Variants in VRK3 observed in about 807,000 individuals in gnomAD.
The protein encoded by VRK3 is VRK serine/threonine kinase 3.
A neutral mutation model predicts 60.4 loss-of-function variants in VRK3; 50 were observed. That is an observed-to-expected ratio of 0.83 (90% CI 0.66 to 1.05). The LOEUF (loss-of-function observed/expected upper bound fraction) is 1.05, where lower values mean the gene tolerates loss of function less well. Among genes scored for constraint, VRK3 ranks in the 50% least tolerant of loss-of-function variants. The pLI, the probability that VRK3 is intolerant of heterozygous loss-of-function variation, is 0.00. For synonymous variants in VRK3, 246 were observed against 227.8 expected (o/e 1.08, Z -0.72); for missense variants, 549 against 585.3 (o/e 0.94, Z 0.64).
At chr19:49,992,801 G>C in intron 10 of VRK3, 59 bp downstream of exon 10, 1 of 1,503,956 alleles carries the variant, frequency 6.6e-7, no homozygotes, top group South Asian at 1.1e-5. Context: ...TAGAGATTTG[G>C]AGACAGATGG....
intron 12 of VRK3, chr19:49,981,676 T>C (rs529165304): frequency 3.0e-6 from 3 of 991,576 alleles, no homozygotes; most frequent in African/African-American, 3.5e-5. Flanking sequence ...ACGGAGAGGA[T>C]CCCTTTGATG....
chr19:50,001,909 C>T (rs534286028), intron 5 of VRK3, among the ~76,000 whole-genome samples: 2 of 152,174 alleles, frequency 1.3e-5, no homozygotes, highest in Non-Finnish European at 2.9e-5. Flanking sequence ...GCAGCACCAG[C>T]GATGTGTGCA....
At chr19:49,978,677 G>A (rs1037653121) in intron 14 of VRK3, 2 of 163,384 alleles carry the variant, frequency 1.2e-5, no homozygotes, top group African/African-American at 4.8e-5. Context: ...GGGCGCCAAG[G>A]GGGCCAGGCC....
chr19:49,991,225 C>A (rs1286901246), intron 10 of VRK3, among the ~76,000 whole-genome samples: 1 of 152,156 alleles, frequency 6.6e-6, no homozygotes, highest in African/African-American at 2.4e-5. Flanking sequence ...CTGAGCAAGG[C>A]AGATTATTCT....
In VRK3 at chr19:50,021,018, C is replaced by A. The variant is rs1413605901; in HGVS notation, c.-64-371G>T. Among the ~76,000 whole-genome samples the A allele has an allele frequency of 2.6e-5, 4 of 152,278 alleles. No individual in the cohort carries two copies. The East Asian group carries it at 7.7e-4, about 29-fold the overall frequency. On this transcript the variant is annotated intron_variant, in intron 1 of 14. Coordinates refer to ENST00000316763, the MANE Select transcript of VRK3 (RefSeq NM_016440.4). Reference sequence around the variant, plus strand: ...TGGGTCACTATTCACACAGGGTGGCCAAGGAGGGCCTCGCCCAGAGGGAGG... The same window carrying A: ...TGGGTCACTATTCACACAGGGTGGCAAAGGAGGGCCTCGCCCAGAGGGAGG...
chr19:50,011,708 C>CGGAAATGTTCCTCACTCCTCCAGTG, intron 3 of VRK3, among the ~76,000 whole-genome samples: 1 of 150,456 alleles, frequency 6.6e-6, no homozygotes, highest in African/African-American at 2.4e-5. Context: ...TTCCCCCAGG[C>CGGAAATGTTCCTCACTCCTCCAGTG]GGAAATGTTC....
intron 11 of VRK3, among the ~76,000 whole-genome samples, chr19:49,988,874 C>T (rs57097951): frequency 0.012 from 1,822 of 152,290 alleles, 26 homozygotes; most frequent in African/African-American, 0.04. Flanking sequence ...GTGCGACTAC[C>T]TGAGTGACAA....
At chr19:49,977,550 C>T (rs2076351308) in intron 14 of VRK3, among the ~76,000 whole-genome samples, 1 of 152,124 alleles carries the variant, frequency 6.6e-6, no homozygotes, top group Non-Finnish European at 1.5e-5. Flanking sequence ...GAAGCCTCTG[C>T]CCTGTGCCAT....
At chr19:49,977,647 T>C (rs528549002) in intron 14 of VRK3, among the ~76,000 whole-genome samples, 1 of 152,204 alleles carries the variant, frequency 6.6e-6, no homozygotes, top group East Asian at 1.9e-4. Context: ...AGTGACCCCG[T>C]GGTCAGTCTC....
chr19:49,986,637 A>G (rs2076521175), intron 12 of VRK3: 1 of 152,348 alleles, frequency 6.6e-6, no homozygotes, highest in African/African-American at 2.4e-5. Flanking sequence ...GGAGTAAAAT[A>G]AAACGAGAAA....
Position 50,023,677 on chromosome 19 carries a change from A to G in VRK3, c.-65+1590T>C, listed in dbSNP as rs75283291. 3.6e-3 allele frequency among the ~76,000 whole-genome samples: 554 copies of G among 152,050 alleles called. 6 individuals are homozygous for G. The highest frequency in any genetic ancestry group is 0.013 in the African/African-American group (523 of 41,474). Reference sequence around the variant, plus strand: ...CTGGCACAGAGCAAATGCTGGGTCTACGTCTGCTGAGTGAATAAATCATTG... The same window carrying G: ...CTGGCACAGAGCAAATGCTGGGTCTGCGTCTGCTGAGTGAATAAATCATTG... On this transcript the variant is annotated intron_variant, in intron 1 of 14. Transcript: ENST00000316763.
chr19:49,980,762 T>C (rs1568769305), intron 13 of VRK3, among the ~76,000 whole-genome samples, 193 bp downstream of exon 13: 1 of 150,302 alleles, frequency 6.7e-6, no homozygotes, highest in African/African-American at 2.5e-5. Flanking sequence ...AAAAGTTGTG[T>C]TTTTGTTTTG....
chr19:50,023,460 C>T (rs1269771362), intron 1 of VRK3, among the ~76,000 whole-genome samples: 1 of 152,230 alleles, frequency 6.6e-6, no homozygotes, highest in African/African-American at 2.4e-5. Context: ...GGATTACAGG[C>T]TCGAGCCACC....
At chr19:49,979,800 T>C (rs1233929106) in intron 13 of VRK3, among the ~76,000 whole-genome samples, 3 of 151,764 alleles carry the variant, frequency 2.0e-5, no homozygotes, top group Non-Finnish European at 4.4e-5. Flanking sequence ...TCCCAGCACT[T>C]TGGGAGGCAG....
chr19:50,014,651 C>T (rs1482489887), intron 3 of VRK3, among the ~76,000 whole-genome samples: 1 of 152,098 alleles, frequency 6.6e-6, no homozygotes, highest in South Asian at 2.1e-4. Context: ...AGGGAAGAGG[C>T]GTCCAGGAGG....
intron 3 of VRK3, 59 bp downstream of exon 3, chr19:50,015,965 A>G: frequency 1.9e-6 from 3 of 1,606,928 alleles, no homozygotes; most frequent in Non-Finnish European, 2.6e-6. Flanking sequence ...CTCCGCAGAC[A>G]CACACGTGTA....
In VRK3 at chr19:49,994,998, C is replaced by T. The variant is rs541628121; in HGVS notation, c.765-79G>A. On this transcript the variant is annotated intron_variant, in intron 8 of 14. Coordinates refer to ENST00000316763, the MANE Select transcript of VRK3 (RefSeq NM_016440.4). ...ACCGGCCGCCAAGGATGGACTGTTG[C>T]GTGGGCTGCAAGGTCCTGGTCCCAG... 16 of 1,407,818 alleles carry T rather than the reference C, an allele frequency of 1.1e-5. No homozygotes were observed. In the East Asian group the frequency reaches 2.4e-4, roughly 21 times the overall value. 87.2% of individuals were successfully genotyped at this position (1,407,818 alleles called of 1,614,324 possible). A position where few individuals can be genotyped will look rare whatever the true frequency, so the allele number is the denominator to read the frequency against.
In VRK3 at chr19:50,016,034, T is replaced by C. The variant is rs1241916488; in HGVS notation, c.129A>G (p.Ser43=). 2.5e-6 allele frequency: 4 copies of C among 1,614,036 alleles called. No homozygotes were observed. The highest frequency in any genetic ancestry group is 3.4e-6 in the Non-Finnish European group (4 of 1,180,022). ...GSQTFVNPHV[S]SFQGSKRGLN... is the part of the protein sequence containing the mutation. ...TGCTCTGGTTCTTACCTTGGAAGGA[T>C]GACACATGTGGATTGACAAAGGTCT... Residue 43 remains serine (S), a synonymous_variant, in exon 3 of 15, where the codon TCA becomes TCG. Transcript: ENST00000316763.
At chr19:49,985,546 G>C (rs1368331410) in intron 12 of VRK3, among the ~76,000 whole-genome samples, 1 of 152,164 alleles carries the variant, frequency 6.6e-6, no homozygotes, top group Non-Finnish European at 1.5e-5. Context: ...CCTGACATTA[G>C]ACCTACAAGT....
Sources: allele counts gnomAD v4.1 joint callset (sites outside exome capture counted in the v4.1 genomes callset), GRCh38; gene constraint gnomAD v4.1.1; transcripts MANE v1.5; gene names NCBI Gene and HGNC (gene_info 2026-07-23, HGNC 2026-07-21).